Variants in OR2L13 observed in about 807,000 individuals in gnomAD.
The protein encoded by OR2L13 is olfactory receptor 2L13.
A neutral mutation model predicts 15.3 loss-of-function variants in OR2L13; 14 were observed. That is an observed-to-expected ratio of 0.91 (90% CI 0.60 to 1.43). OR2L13 has a LOEUF of 1.43. Among genes scored for constraint, OR2L13 ranks in the 40% most tolerant of loss-of-function variants. The pLI, the probability that OR2L13 is intolerant of heterozygous loss-of-function variation, is 0.00. For synonymous variants in OR2L13, 152 were observed against 142.9 expected, an observed-to-expected ratio of 1.06 and a Z score of -0.45; for missense variants, 367 against 387.9, an observed-to-expected ratio of 0.95 and a Z score of 0.45.
the OR2L13 span, among the ~76,000 whole-genome samples, chr1:248,028,935 G>C: frequency 6.6e-6 from 1 of 152,104 alleles, no homozygotes; most frequent in Non-Finnish European, 1.5e-5. Context: ...CACTAGACAT[G>C]GCGCATACTA....
the OR2L13 span, chr1:248,083,562 A>G: frequency 3.9e-6 from 4 of 1,028,478 alleles, no homozygotes; most frequent in African/African-American, 6.4e-5. Context: ...TTCATGAACT[A>G]CTAAAGGGAG....
the OR2L13 span, among the ~76,000 whole-genome samples, chr1:247,953,832 TA>T: frequency 6.6e-6 from 1 of 152,124 alleles, no homozygotes; most frequent in African/African-American, 2.4e-5. Context: ...TGTACCTGAA[TA>T]AATAAACTAC....
chr1:247,986,988 G>A, the OR2L13 span, among the ~76,000 whole-genome samples: 1 of 151,954 alleles, frequency 6.6e-6, no homozygotes, highest in African/African-American at 2.4e-5. Context: ...TCAACATTTT[G>A]TCATTTTTCA....
chr1:247,951,185 T>C, the OR2L13 span, among the ~76,000 whole-genome samples: 2 of 152,230 alleles, frequency 1.3e-5, no homozygotes, highest in Non-Finnish European at 2.9e-5. Flanking sequence ...TTTTGATTAC[T>C]ACATCTTTGT....
At chr1:248,022,286 C>T in the OR2L13 span, 48 of 1,613,984 alleles carry the variant, frequency 3.0e-5, no homozygotes, top group Non-Finnish European at 4.0e-5. Flanking sequence ...AAGCGCTGCT[C>T]CTGACATCAA....
the OR2L13 span, among the ~76,000 whole-genome samples, chr1:248,086,308 T>C: frequency 6.6e-6 from 1 of 152,292 alleles, no homozygotes; most frequent in East Asian, 1.9e-4. Context: ...TTATACTTTT[T>C]CAGAATTGAA....
the OR2L13 span, among the ~76,000 whole-genome samples, chr1:248,086,346 A>T: frequency 6.6e-6 from 1 of 152,196 alleles, no homozygotes; most frequent in Non-Finnish European, 1.5e-5. Context: ...GGAGGCAAAG[A>T]GTAAATATCG....
At chr1:248,020,144 C>T in the OR2L13 span, among the ~76,000 whole-genome samples, 1 of 152,060 alleles carries the variant, frequency 6.6e-6, no homozygotes, top group Non-Finnish European at 1.5e-5. Flanking sequence ...GTTTTGATTA[C>T]CATAGCTTTT....
the OR2L13 span, chr1:247,990,822 C>T: frequency 3.8e-6 from 6 of 1,598,576 alleles, no homozygotes; most frequent in East Asian, 1.1e-4. Flanking sequence ...CTATGTTGAC[C>T]CTAGCCTGCA....
chr1:248,008,449 T>A, the OR2L13 span, among the ~76,000 whole-genome samples: 859 of 152,276 alleles, frequency 5.6e-3, 13 homozygotes, highest in Middle Eastern at 0.024. Flanking sequence ...TAATCTGTGT[T>A]GTATCAATTT....
At chr1:247,965,562 G>A in the OR2L13 span, 7 of 1,605,204 alleles carry the variant, frequency 4.4e-6, no homozygotes, top group East Asian at 1.6e-4. Flanking sequence ...TGTACTTTCT[G>A]CTCAGTCAGC....
chr1:248,066,199 T>G, the OR2L13 span, among the ~76,000 whole-genome samples: 1 of 152,244 alleles, frequency 6.6e-6, no homozygotes, highest in Non-Finnish European at 1.5e-5. Flanking sequence ...TTTGACCATT[T>G]ATTTGGACTT....
At chr1:248,022,532 G>C in the OR2L13 span, 3 of 1,614,118 alleles carry the variant, frequency 1.9e-6, no homozygotes, top group Non-Finnish European at 2.5e-6. Context: ...GGGTCTATGA[G>C]TACACAGTGT....
At chr1:248,001,898 A>G in the OR2L13 span, among the ~76,000 whole-genome samples, 1 of 152,176 alleles carries the variant, frequency 6.6e-6, no homozygotes, top group Non-Finnish European at 1.5e-5. Context: ...TATCTTGGAC[A>G]GTTTGTCTTA....
the OR2L13 span, among the ~76,000 whole-genome samples, chr1:247,978,353 A>G: frequency 1.3e-5 from 2 of 152,292 alleles, no homozygotes; most frequent in South Asian, 2.1e-4. Flanking sequence ...GCGTGTAACA[A>G]TCCTCCTCCC....
chr1:248,060,527 TG>T, the OR2L13 span: 1 of 632,614 alleles, frequency 1.6e-6, no homozygotes, highest in Non-Finnish European at 2.8e-6. Flanking sequence ...GAAGTATGTG[TG>T]GACAGAAAAT....
the OR2L13 span, among the ~76,000 whole-genome samples, chr1:247,989,963 T>C: frequency 1.3e-5 from 2 of 152,184 alleles, no homozygotes. Context: ...ATAAACACCG[T>C]TCAATAAGAT....
chr1:248,044,809 C>CAAA, the OR2L13 span, among the ~76,000 whole-genome samples: 26 of 8,102 alleles, frequency 3.2e-3, 3 homozygotes, highest in East Asian at 0.019. Flanking sequence ...AACTCCGTCT[C>CAAA]AAAAAAAAAA....
At chr1:247,991,726 A>G in the OR2L13 span, among the ~76,000 whole-genome samples, 1 of 149,676 alleles carries the variant, frequency 6.7e-6, no homozygotes, top group Non-Finnish European at 1.5e-5. Context: ...CTTGTCATAA[A>G]TCAACGGGTC....
Sources: gnomAD v4.1 joint callset for allele counts (sites outside exome capture counted in the v4.1 genomes callset) on GRCh38, gnomAD v4.1.1 for gene constraint, MANE v1.5 for transcripts, NCBI Gene and HGNC (gene_info 2026-07-23, HGNC 2026-07-21) for gene names.